Variants in KCTD8 observed in about 807,000 individuals in gnomAD.
KCTD8 encodes potassium channel tetramerization domain containing 8.
KCTD8 carries 27 observed loss-of-function variants against 31.5 expected under a neutral mutation model. The observed-to-expected ratio is 0.86, with a 90% CI of 0.63 to 1.18. The LOEUF (loss-of-function observed/expected upper bound fraction) is 1.18. KCTD8 is among the 50% of genes most tolerant of loss of function. The pLI is 0.00. For synonymous variants in KCTD8, 290 were observed against 280.0 expected (o/e 1.04, Z -0.36); for missense variants, 658 against 647.7 (o/e 1.02, Z -0.17).
At chr4:44,242,667 A>C (rs183065150) in intron 1 of KCTD8, among the ~76,000 whole-genome samples, 11 of 152,162 alleles carry the variant, frequency 7.2e-5, no homozygotes, top group African/African-American at 2.6e-4. Context: ...AGTGAAATTT[A>C]ATTCCCCAGT....
At chr4:44,447,434 G>C (rs906466840) in intron 1 of KCTD8, 129 bp downstream of exon 1, 4 of 1,366,316 alleles carry the variant, frequency 2.9e-6, no homozygotes, top group Non-Finnish European at 3.8e-6. Flanking sequence ...TGCAGGGAGA[G>C]CCGCTCTCTA....
intron 1 of KCTD8, among the ~76,000 whole-genome samples, chr4:44,418,070 T>C (rs1721119438): frequency 6.6e-6 from 1 of 152,150 alleles, no homozygotes; most frequent in South Asian, 2.1e-4. Context: ...TGATGAATGC[T>C]ATAATACAGA....
In KCTD8 at chr4:44,177,166, T is replaced by A. The variant is rs183822808; in HGVS notation, c.962-1916A>T. On this transcript the variant is annotated intron_variant, in intron 1 of 1. Transcript: ENST00000360029. ...GGACTTACCCAGATCCATTCTCTAT[T>A]CTCCTCTGTCCACAGTGGCTGATGG... 2.7e-3 allele frequency among the ~76,000 whole-genome samples: 404 copies of A among 152,232 alleles called. 2 individuals are homozygous for A. Among genetic ancestry groups the A allele is most frequent in the Non-Finnish European group, 4.6e-3 (315 of 67,994 alleles).
chr4:44,408,437 C>T (rs1180763681), intron 1 of KCTD8, among the ~76,000 whole-genome samples: 1 of 152,028 alleles, frequency 6.6e-6, no homozygotes, highest in Non-Finnish European at 1.5e-5. Context: ...GAGATATCTG[C>T]TACATTTAAC....
chr4:44,182,141 G>A (rs952187681), intron 1 of KCTD8, among the ~76,000 whole-genome samples: 9 of 150,780 alleles, frequency 6.0e-5, no homozygotes, highest in East Asian at 2.0e-4. Context: ...GCCCCCGCCC[G>A]GCCAGCCGCC....
intron 1 of KCTD8, among the ~76,000 whole-genome samples, chr4:44,355,145 ATAAT>A (rs747102232): frequency 5.9e-4 from 90 of 152,328 alleles, no homozygotes; most frequent in South Asian, 2.5e-3. Flanking sequence ...CTGTCTCCAG[ATAAT>A]TAAAGTTTAC....
chr4:44,382,147 C>CA (rs1720081285), intron 1 of KCTD8, among the ~76,000 whole-genome samples: 2 of 152,022 alleles, frequency 1.3e-5, no homozygotes, highest in African/African-American at 4.8e-5. Context: ...CAATACCCCA[C>CA]TCTCCACTCT....
chr4:44,324,546 A>T (rs1718394537), intron 1 of KCTD8, among the ~76,000 whole-genome samples: 1 of 152,084 alleles, frequency 6.6e-6, no homozygotes, highest in Non-Finnish European at 1.5e-5. Flanking sequence ...TTTCCAGCAC[A>T]GTCGTAAAAC....
chr4:44,411,629 T>C (rs1720960578), intron 1 of KCTD8, among the ~76,000 whole-genome samples: 1 of 152,176 alleles, frequency 6.6e-6, no homozygotes, highest in Non-Finnish European at 1.5e-5. Context: ...CTTAGAATGA[T>C]AACTTATTTG....
intron 1 of KCTD8, among the ~76,000 whole-genome samples, chr4:44,289,711 A>G (rs545228526): frequency 6.6e-6 from 1 of 152,240 alleles, no homozygotes; most frequent in Non-Finnish European, 1.5e-5. Context: ...CTGACCAGAG[A>G]GTACACAGAG....
intron 1 of KCTD8, among the ~76,000 whole-genome samples, chr4:44,347,084 C>G (rs2109422139): frequency 6.6e-6 from 1 of 152,294 alleles, no homozygotes; most frequent in Non-Finnish European, 1.5e-5. Flanking sequence ...GGGGTGTAAG[C>G]AGAGACTGCT....
chr4:44,266,425 G>A (rs1263992441), intron 1 of KCTD8, among the ~76,000 whole-genome samples: 2 of 152,196 alleles, frequency 1.3e-5, no homozygotes, highest in Non-Finnish European at 2.9e-5. Flanking sequence ...ACTGGTACCA[G>A]CCACTGCAAA....
intron 1 of KCTD8, among the ~76,000 whole-genome samples, chr4:44,410,642 T>C (rs1252396587): frequency 6.6e-6 from 1 of 152,046 alleles, no homozygotes; most frequent in Non-Finnish European, 1.5e-5. Context: ...CTCACAATCA[T>C]AGAGGAAGGC....
At chr4:44,339,968 T>C (rs1352618607) in intron 1 of KCTD8, among the ~76,000 whole-genome samples, 7 of 152,028 alleles carry the variant, frequency 4.6e-5, no homozygotes, top group Admixed American at 3.3e-4. Flanking sequence ...AAATTGGAAA[T>C]CAATTTGACC....
At chr4:44,260,756 T>G (rs1716137578) in intron 1 of KCTD8, among the ~76,000 whole-genome samples, 1 of 151,948 alleles carries the variant, frequency 6.6e-6, no homozygotes, top group South Asian at 2.1e-4. Context: ...TCATGAGAGC[T>G]ATCCAGGGGT....
chr4:44,203,424 A>G (rs1714207762), intron 1 of KCTD8, among the ~76,000 whole-genome samples: 1 of 143,948 alleles, frequency 6.9e-6, no homozygotes, highest in African/African-American at 2.6e-5. Flanking sequence ...CAGGAAGCGG[A>G]GGTTGCAGTA....
chr4:44,218,969 A>T (rs894550066), intron 1 of KCTD8, among the ~76,000 whole-genome samples: 3 of 152,192 alleles, frequency 2.0e-5, no homozygotes, highest in African/African-American at 7.2e-5. Context: ...CACATTGTTC[A>T]CATGTTTCAC....
At chr4:44,213,577 T>C (rs144991580) in intron 1 of KCTD8, among the ~76,000 whole-genome samples, 1 of 152,344 alleles carries the variant, frequency 6.6e-6, no homozygotes, top group South Asian at 2.1e-4. Context: ...TTAATGTATG[T>C]TCATTTGTAT....
chr4:44,191,510 A>C (rs942456173), intron 1 of KCTD8, among the ~76,000 whole-genome samples: 20 of 152,146 alleles, frequency 1.3e-4, no homozygotes, highest in Admixed American at 2.6e-4. Context: ...GATAGTGCTA[A>C]ATTCTTTTAC....
Sources: allele counts gnomAD v4.1 joint callset (sites outside exome capture counted in the v4.1 genomes callset), GRCh38; gene constraint gnomAD v4.1.1; transcripts MANE v1.5; gene names NCBI Gene and HGNC (gene_info 2026-07-23, HGNC 2026-07-21).